Variants in CCNB3 observed in about 807,000 individuals in gnomAD.
CCNB3 encodes the protein cyclin B3.
A neutral mutation model predicts 68.0 loss-of-function variants in CCNB3; 12 were observed. That is an observed-to-expected ratio of 0.18 (90% CI 0.11 to 0.29). The LOEUF (loss-of-function observed/expected upper bound fraction) is 0.29. CCNB3 is among the 10% of genes least tolerant of loss of function. CCNB3 has a pLI of 1.00. For synonymous variants in CCNB3, 354 were observed against 388.9 expected, an observed-to-expected ratio of 0.91 and a Z score of 1.06; for missense variants, 904 against 993.1, an observed-to-expected ratio of 0.91 and a Z score of 1.21.
In CCNB3 at chrX:50,351,658, G is replaced by A. The variant is rs1923687469; in HGVS notation, c.4143G>A (p.Glu1381=). The A allele has an allele frequency of 8.3e-7, 1 of 1,211,593 alleles. No homozygotes were observed. Residue 1381 remains glutamate (E), a synonymous_variant, in exon 13 of 13, where the codon GAG becomes GAA. Transcript: ENST00000376042. The part of the protein sequence containing the change: ...KIPALDMLKL[E]EILNCDCEAQ... ...CTGCCTTGGATATGTTGAAGCTGGA[G>A]GAGATTTTGAACTGTGATTGTGAGG...
chrX:50,283,621 A>C (rs1936181419), intron 1 of CCNB3, among the ~76,000 whole-genome samples: 1 of 110,936 alleles, frequency 9.0e-6, no homozygotes, highest in Admixed American at 9.7e-5. Flanking sequence ...GCCTGGCCCC[A>C]GCCTAGCTTT....
At chrX:50,289,559 G>T (rs1412282939) in intron 4 of CCNB3, among the ~76,000 whole-genome samples, 2 of 111,891 alleles carry the variant, frequency 1.8e-5, no homozygotes, top group Admixed American at 1.9e-4. Context: ...CTTTGTCTTA[G>T]AAAATAATAA....
chrX:50,328,289 A>C (rs186487568), intron 8 of CCNB3, among the ~76,000 whole-genome samples: 316 of 112,524 alleles, frequency 2.8e-3, no homozygotes, highest in African/African-American at 9.5e-3. Context: ...GTATTTAAAC[A>C]AAAAAGAAGT....
At chrX:50,303,260 C>T (rs1193932704) in intron 5 of CCNB3, among the ~76,000 whole-genome samples, 1 of 111,285 alleles carries the variant, frequency 9.0e-6, no homozygotes, top group African/African-American at 3.3e-5. Flanking sequence ...GTTCTCGTGC[C>T]TCAGCCTCCT....
upstream of CCNB3, among the ~76,000 whole-genome samples, chrX:50,203,665 T>C (rs1935301401): frequency 8.9e-6 from 1 of 112,216 alleles, no homozygotes; most frequent in Non-Finnish European, 1.9e-5. Flanking sequence ...GCATTGTACA[T>C]ATTTTTTCTT....
intron 4 of CCNB3, among the ~76,000 whole-genome samples, chrX:50,291,524 A>T (rs1402769022): frequency 9.0e-6 from 1 of 111,057 alleles, no homozygotes; most frequent in Non-Finnish European, 1.9e-5. Flanking sequence ...TCGACCTCCC[A>T]AAGTGCTGCA....
chrX:50,345,460 C>CCCT (rs1183516546), intron 9 of CCNB3, among the ~76,000 whole-genome samples: 2 of 109,294 alleles, frequency 1.8e-5, no homozygotes, highest in African/African-American at 3.3e-5. Context: ...TTCCCTTGCT[C>CCCT]CCTCACCTGC....
intron 8 of CCNB3, among the ~76,000 whole-genome samples, chrX:50,329,664 G>T (rs913657548): frequency 7.1e-5 from 8 of 112,409 alleles, no homozygotes; most frequent in African/African-American, 2.6e-4. Flanking sequence ...TTTTCCCATT[G>T]TCCTGGCTAT....
chrX:50,342,134 A>C, intron 8 of CCNB3, 68 bp from the exon 9 acceptor site: 52 of 1,139,090 alleles, frequency 4.6e-5, no homozygotes, highest in Non-Finnish European at 5.9e-5. Flanking sequence ...CCAGGTAGCT[A>C]GATCTGTCTG....
chrX:50,228,212 C>A, intron 1 of CCNB3, among the ~76,000 whole-genome samples: 1 of 88,202 alleles, frequency 1.1e-5, no homozygotes, highest in Non-Finnish European at 2.1e-5. Flanking sequence ...AATACTTATA[C>A]ATAGAATACA....
At chrX:50,279,887 T>C (rs1202555628) in intron 1 of CCNB3, among the ~76,000 whole-genome samples, 1 of 86,981 alleles carries the variant, frequency 1.1e-5, no homozygotes, top group African/African-American at 4.4e-5. Context: ...ATATAGTATA[T>C]ATAAATATAT....
chrX:50,225,906 A>G (rs1226917196), intron 1 of CCNB3, among the ~76,000 whole-genome samples: 1 of 103,184 alleles, frequency 9.7e-6, no homozygotes, highest in African/African-American at 3.5e-5. Flanking sequence ...GCCAGCTTTT[A>G]GATGATATTT....
chrX:50,323,967 G>A (rs1357092025), intron 8 of CCNB3, among the ~76,000 whole-genome samples: 5 of 112,289 alleles, frequency 4.5e-5, no homozygotes, highest in Non-Finnish European at 9.4e-5. Flanking sequence ...ATGGCTATTG[G>A]CCTAGTAAGG....
intron 8 of CCNB3, among the ~76,000 whole-genome samples, chrX:50,336,687 G>A (rs190315667): frequency 9.0e-6 from 1 of 111,331 alleles, no homozygotes; most frequent in East Asian, 2.8e-4. Flanking sequence ...GTATCCTTTT[G>A]AGCCTCTTTC....
intron 8 of CCNB3, among the ~76,000 whole-genome samples, chrX:50,329,429 C>A (rs1216932540): frequency 8.9e-6 from 1 of 112,894 alleles, no homozygotes; most frequent in African/African-American, 3.2e-5. Flanking sequence ...ACAGACTTAA[C>A]ACCACATGGA....
chrX:50,337,608 A>G (rs1448823157), intron 8 of CCNB3, among the ~76,000 whole-genome samples: 2 of 111,054 alleles, frequency 1.8e-5, no homozygotes, highest in Admixed American at 9.6e-5. Context: ...ACAAAGTTCT[A>G]AGTTTTCCTG....
chrX:50,285,101 G>A, intron 2 of CCNB3, 26 bp from the exon 3 acceptor site: 2 of 860,279 alleles, frequency 2.3e-6, no homozygotes, highest in South Asian at 2.0e-5. Context: ...GGTGAATGGT[G>A]TTAAAGAGCC....
chrX:50,289,348 T>C (rs1325735529), intron 4 of CCNB3, among the ~76,000 whole-genome samples: 1 of 110,975 alleles, frequency 9.0e-6, no homozygotes, highest in Non-Finnish European at 1.9e-5. Context: ...AGCCCAGTCA[T>C]AGTGATAATC....
intron 6 of CCNB3, among the ~76,000 whole-genome samples, chrX:50,311,849 T>G (rs1187050924): frequency 2.7e-5 from 3 of 111,109 alleles, no homozygotes; most frequent in Non-Finnish European, 5.6e-5. Context: ...ACTTCCTGAT[T>G]GGCACAGTGA....
Sources: allele counts gnomAD v4.1 joint callset (sites outside exome capture counted in the v4.1 genomes callset), GRCh38; gene constraint gnomAD v4.1.1; transcripts MANE v1.5; gene names NCBI Gene and HGNC (gene_info 2026-07-23, HGNC 2026-07-21).